Variants in PTPRT observed in about 807,000 individuals in gnomAD.
PTPRT encodes protein tyrosine phosphatase receptor type T.
A neutral mutation model predicts 176.8 loss-of-function variants in PTPRT; 56 were observed. That is an observed-to-expected ratio of 0.32 (90% CI 0.26 to 0.40). The LOEUF is 0.40. PTPRT is among the 10% of genes least tolerant of loss of function. PTPRT has a pLI of 1.00. For synonymous variants in PTPRT, 783 were observed against 739.0 expected (o/e 1.06, Z -0.96); for missense variants, 1,540 against 1,908.2 (o/e 0.81, Z 3.60).
chr20:42,474,482 C>T (rs2071253060), intron 7 of PTPRT, among the ~76,000 whole-genome samples: 1 of 152,172 alleles, frequency 6.6e-6, no homozygotes, highest in African/African-American at 2.4e-5. Context: ...GGCCCCTGAT[C>T]AACTGAGGAA....
intron 13 of PTPRT, chr20:42,270,401 G>A: frequency 6.5e-7 from 1 of 1,526,754 alleles, no homozygotes; most frequent in Non-Finnish European, 8.8e-7. Context: ...GATCACCTGT[G>A]GTGAGGAGGC....
chr20:42,335,962 T>C (rs1400933170), intron 11 of PTPRT, among the ~76,000 whole-genome samples: 1 of 152,186 alleles, frequency 6.6e-6, no homozygotes, highest in African/African-American at 2.4e-5. Context: ...TTGAGCAAGT[T>C]AGTTAACCTT....
chr20:42,212,937 T>C (rs746713190), intron 15 of PTPRT, among the ~76,000 whole-genome samples: 1 of 152,190 alleles, frequency 6.6e-6, no homozygotes, highest in Non-Finnish European at 1.5e-5. Context: ...GAGCACATCA[T>C]TTGGGGAGCT....
Position 42,351,508 on chromosome 20 carries a change from T to C in PTPRT, c.1762+576A>G, listed in dbSNP as rs144994618. Among the ~76,000 whole-genome samples, 340 of 152,318 alleles carry C rather than the reference T, an allele frequency of 2.2e-3. 1 individual carries two copies. The highest frequency in any genetic ancestry group is 5.3e-3 in the African/African-American group (219 of 41,572). On this transcript the variant is annotated intron_variant, in intron 10 of 30. Transcript: ENST00000373187. ...AAGCTACAAAAAAAACATGTTTTTC[T>C]GGAAAACCATGTGCAAAATATGTAT...
At chr20:43,090,999 G>C (rs1029012230) in intron 1 of PTPRT, among the ~76,000 whole-genome samples, 3 of 152,200 alleles carry the variant, frequency 2.0e-5, no homozygotes, top group Non-Finnish European at 2.9e-5. Context: ...GGGAGGCCGA[G>C]GCGGGCAGAT....
chr20:42,447,738 C>T (rs2070757689), intron 9 of PTPRT, among the ~76,000 whole-genome samples: 1 of 152,132 alleles, frequency 6.6e-6, no homozygotes, highest in Non-Finnish European at 1.5e-5. Flanking sequence ...GATGCCATCA[C>T]CTGGGTGACA....
At chr20:42,567,804 T>G (rs1005103901) in intron 7 of PTPRT, among the ~76,000 whole-genome samples, 1 of 152,198 alleles carries the variant, frequency 6.6e-6, no homozygotes, top group Non-Finnish European at 1.5e-5. Flanking sequence ...TTGTGATATA[T>G]TTTCCTGGTG....
chr20:43,127,064 T>G (rs906696898), intron 1 of PTPRT, among the ~76,000 whole-genome samples: 1 of 152,218 alleles, frequency 6.6e-6, no homozygotes, highest in Non-Finnish European at 1.5e-5. Context: ...GATTTACTTA[T>G]GATTGTAAGC....
chr20:42,054,244 C>T, the PTPRT span, among the ~76,000 whole-genome samples: 1 of 152,164 alleles, frequency 6.6e-6, no homozygotes, highest in Non-Finnish European at 1.5e-5. Context: ...CTCACATTCT[C>T]ATTACAGTGT....
chr20:42,745,499 C>G (rs1356111462), intron 6 of PTPRT, among the ~76,000 whole-genome samples: 1 of 152,146 alleles, frequency 6.6e-6, no homozygotes, highest in African/African-American at 2.4e-5. Context: ...CGTGACAATC[C>G]AAAATGTCTC....
intron 13 of PTPRT, among the ~76,000 whole-genome samples, chr20:42,274,536 AGTGTGTGTGTGTGTGT>A (rs529883269): frequency 3.7e-3 from 415 of 113,334 alleles, no homozygotes; most frequent in Non-Finnish European, 4.2e-3. Flanking sequence ...GGCCCTGTAC[AGTGTGTGTGTGTGTGT>A]GTGTGTGTGT....
At chr20:42,621,280 C>T (rs576780946) in intron 7 of PTPRT, among the ~76,000 whole-genome samples, 6 of 152,324 alleles carry the variant, frequency 3.9e-5, no homozygotes, top group South Asian at 2.1e-4. Context: ...TGTCTTCAAC[C>T]TCCCCATCTC....
intron 6 of PTPRT, among the ~76,000 whole-genome samples, chr20:42,731,464 T>C (rs1194980164): frequency 1.6e-4 from 24 of 152,166 alleles, no homozygotes; most frequent in Admixed American, 1.6e-3. Flanking sequence ...GAGCCTGACA[T>C]GCACTACCCA....
chr20:43,146,468 C>A (rs2014171137), intron 1 of PTPRT, among the ~76,000 whole-genome samples: 1 of 151,852 alleles, frequency 6.6e-6, no homozygotes, highest in South Asian at 2.1e-4. Context: ...TAGCCAATTC[C>A]AGGAGATATC....
intron 1 of PTPRT, among the ~76,000 whole-genome samples, chr20:42,936,766 T>C (rs1980217945): frequency 6.6e-6 from 1 of 152,178 alleles, no homozygotes; most frequent in African/African-American, 2.4e-5. Context: ...ATGGGTTAGA[T>C]GTGGAGTGTG....
intron 1 of PTPRT, among the ~76,000 whole-genome samples, chr20:42,964,244 A>C (rs1309091056): frequency 6.6e-6 from 1 of 152,226 alleles, no homozygotes; most frequent in Non-Finnish European, 1.5e-5. Context: ...AAGTGTATCG[A>C]AATATTTTCC....
chr20:42,447,361 T>C (rs191846512), intron 9 of PTPRT, among the ~76,000 whole-genome samples: 29 of 152,114 alleles, frequency 1.9e-4, no homozygotes, highest in Admixed American at 1.8e-3. Context: ...CAAAGGTAAC[T>C]CAGGAAAAGG....
intron 3 of PTPRT, 122 bp downstream of exon 3, chr20:42,791,073 G>T: frequency 7.9e-7 from 1 of 1,259,524 alleles, no homozygotes; most frequent in Non-Finnish European, 1.1e-6. Context: ...GCTAGGAGGA[G>T]AAGCACAGTA....
intron 1 of PTPRT, among the ~76,000 whole-genome samples, chr20:43,043,234 C>T (rs879795248): frequency 5.9e-5 from 9 of 152,232 alleles, no homozygotes; most frequent in South Asian, 2.1e-4. Context: ...TAGCAAACGA[C>T]GCCCTCCCTC....
Sources: gnomAD v4.1 joint callset for allele counts (sites outside exome capture counted in the v4.1 genomes callset) on GRCh38, gnomAD v4.1.1 for gene constraint, MANE v1.5 for transcripts, NCBI Gene and HGNC (gene_info 2026-07-23, HGNC 2026-07-21) for gene names.